TTC39C: variants seen among roughly 807,000 people sequenced by gnomAD.
TTC39C encodes the protein tetratricopeptide repeat protein 39C.
Under a neutral mutation model 76.3 loss-of-function variants are expected in TTC39C, and 33 were observed. That is an observed-to-expected ratio of 0.43 (90% CI 0.33 to 0.58). TTC39C has a LOEUF of 0.58. Among genes scored for constraint, TTC39C ranks in the 20% least tolerant of loss-of-function variants. The pLI, the probability that TTC39C is intolerant of heterozygous loss-of-function variation, is 0.04. For missense variants in TTC39C, 595 were observed against 701.4 expected, an observed-to-expected ratio of 0.85 and a Z score of 1.71; for synonymous variants, 254 against 260.6, an observed-to-expected ratio of 0.97 and a Z score of 0.24.
chr18:24,102,703 G>A (rs1247057186), intron 6 of TTC39C, among the ~76,000 whole-genome samples: 2 of 152,146 alleles, frequency 1.3e-5, no homozygotes, highest in East Asian at 1.9e-4. Context: ...CCTGGCCCAC[G>A]AGGAAGGTTT....
intron 1 of TTC39C, among the ~76,000 whole-genome samples, chr18:24,007,493 C>T (rs1226393984): frequency 6.6e-6 from 1 of 152,172 alleles, no homozygotes. Flanking sequence ...AAGCGATTCT[C>T]CTGCCTCAGC....
intron 1 of TTC39C, among the ~76,000 whole-genome samples, chr18:23,999,568 G>A (rs1167973094): frequency 2.0e-5 from 3 of 152,068 alleles, no homozygotes; most frequent in African/African-American, 7.2e-5. Context: ...GGGGCAAGAA[G>A]CTTCATCTGA....
chr18:24,061,250 G>A (rs1470264142), intron 1 of TTC39C, among the ~76,000 whole-genome samples: 1 of 148,998 alleles, frequency 6.7e-6, no homozygotes, highest in East Asian at 2.0e-4. Flanking sequence ...AAAAAAATAG[G>A]TTTTTCACTA....
intron 1 of TTC39C, among the ~76,000 whole-genome samples, chr18:24,031,777 T>C (rs1426296263): frequency 6.6e-6 from 1 of 152,136 alleles, no homozygotes; most frequent in Admixed American, 6.5e-5. Context: ...GCCTCTGTGG[T>C]GGGTTCAAAA....
chr18:24,039,427 G>A (rs1029360026), intron 1 of TTC39C, among the ~76,000 whole-genome samples: 2 of 152,250 alleles, frequency 1.3e-5, no homozygotes, highest in Admixed American at 6.5e-5. Context: ...GTGGGTCTGT[G>A]TTCTATGTAG....
At chr18:24,086,171 T>C (rs2145767862) in intron 6 of TTC39C, among the ~76,000 whole-genome samples, 1 of 152,326 alleles carries the variant, frequency 6.6e-6, no homozygotes, top group African/African-American at 2.4e-5. Flanking sequence ...CCCCTTGAGC[T>C]CTTTTTATCA....
intron 4 of TTC39C, among the ~76,000 whole-genome samples, chr18:24,077,937 A>G (rs1306119902): frequency 6.6e-6 from 1 of 152,224 alleles, no homozygotes; most frequent in Non-Finnish European, 1.5e-5. Flanking sequence ...CTTTTCCTAC[A>G]GTGCTTCCCT....
chr18:24,076,029 T>A (rs1359628727), intron 4 of TTC39C, among the ~76,000 whole-genome samples: 2 of 152,112 alleles, frequency 1.3e-5, no homozygotes, highest in African/African-American at 4.8e-5. Context: ...CAGGCTGGAG[T>A]GCAGTGGCAC....
intron 1 of TTC39C, among the ~76,000 whole-genome samples, chr18:24,018,482 A>C (rs2083482050): frequency 6.6e-6 from 1 of 152,170 alleles, no homozygotes; most frequent in South Asian, 2.1e-4. Context: ...GCTGTGGGTT[A>C]GGTGCCAAAG....
intron 1 of TTC39C, among the ~76,000 whole-genome samples, chr18:24,057,919 C>A (rs2084037348): frequency 6.6e-6 from 1 of 152,236 alleles, no homozygotes; most frequent in East Asian, 1.9e-4. Context: ...ACCTAAATAT[C>A]CATCAGTTGG....
chr18:24,123,662 C>T (rs1246196233), intron 8 of TTC39C, 172 bp from the exon 9 acceptor site: 2 of 490,150 alleles, frequency 4.1e-6, no homozygotes, highest in Non-Finnish European at 7.1e-6. Flanking sequence ...TCGCCTCTGC[C>T]TTCCAAAGTG....
intron 1 of TTC39C, among the ~76,000 whole-genome samples, chr18:24,002,221 T>C (rs1156674927): frequency 6.6e-6 from 1 of 152,022 alleles, no homozygotes; most frequent in African/African-American, 2.4e-5. Context: ...GATTCCCAGG[T>C]GACACAAGCA....
chr18:24,078,374 T>C (rs1380892131), intron 4 of TTC39C, among the ~76,000 whole-genome samples: 2 of 152,248 alleles, frequency 1.3e-5, no homozygotes, highest in African/African-American at 4.8e-5. Flanking sequence ...TCAAGACTCA[T>C]CTTACAGTCA....
intron 1 of TTC39C, among the ~76,000 whole-genome samples, chr18:24,045,223 C>CGT (rs2083850378): frequency 1.4e-5 from 2 of 144,618 alleles, no homozygotes; most frequent in Non-Finnish European, 3.0e-5. Context: ...GAGTCAAGAT[C>CGT]ATGCCACTGC....
At chr18:24,081,129 A>G (rs1445984070) in intron 5 of TTC39C, among the ~76,000 whole-genome samples, 190 bp downstream of exon 5, 1 of 152,210 alleles carries the variant, frequency 6.6e-6, no homozygotes. Context: ...AGCTGACTTT[A>G]GTTAGAGAAC....
chr18:24,080,648 A>G lies in TTC39C; in HGVS notation c.524A>G (p.Asp175Gly), dbSNP rs1167509440. The G allele has an allele frequency of 1.2e-6, 2 of 1,614,136 alleles. No homozygotes were observed. Among genetic ancestry groups the G allele is most frequent in the East Asian group, 2.2e-5 (1 of 44,872 alleles). ...AAGATTTACAATAAATGCTATCTGGACATCAATGCCCTTCAGGAGCTGTAT... is the reference window on the plus strand; with the variant it reads ...AAGATTTACAATAAATGCTATCTGGGCATCAATGCCCTTCAGGAGCTGTAT... The part of the protein sequence containing the change: ...AWKIYNKCYL[D>G]INALQELYQK... Residue 175 changes from aspartate (D) to glycine (G), a missense_variant, in exon 5 of 14, where the codon GAC (aspartate) becomes GGC (glycine). Coordinates refer to ENST00000317571, the MANE Select transcript of TTC39C (RefSeq NM_001135993.2).
chr18:24,030,374 T>C (rs563467052), intron 1 of TTC39C, among the ~76,000 whole-genome samples: 1 of 152,340 alleles, frequency 6.6e-6, no homozygotes, highest in South Asian at 2.1e-4. Flanking sequence ...TGAAGAATTA[T>C]TTTCAGAACA....
chr18:24,088,770 C>A (rs2084479213), intron 6 of TTC39C, among the ~76,000 whole-genome samples: 1 of 152,148 alleles, frequency 6.6e-6, no homozygotes. Flanking sequence ...TTCATGTCAC[C>A]CAGGTTTGCT....
intron 12 of TTC39C, 22 bp from the exon 13 acceptor site, chr18:24,131,860 G>A: frequency 6.2e-7 from 1 of 1,605,432 alleles, no homozygotes; most frequent in Non-Finnish European, 8.5e-7. Context: ...AGATTTTATG[G>A]GATAATGTGT....
Sources: gnomAD v4.1 joint callset for allele counts (sites outside exome capture counted in the v4.1 genomes callset) on GRCh38, gnomAD v4.1.1 for gene constraint, MANE v1.5 for transcripts, NCBI Gene and HGNC (gene_info 2026-07-23, HGNC 2026-07-21) for gene names.